The following AGMO variants were observed in gnomAD, a reference collection of about 807,000 sequenced individuals.
AGMO encodes alkylglycerol monooxygenase.
A neutral mutation model predicts 60.2 loss-of-function variants in AGMO; 75 were observed. The ratio of observed to expected loss-of-function variants is 1.25; its 90% CI spans 1.03 to 1.51. The LOEUF (loss-of-function observed/expected upper bound fraction) is 1.51, where lower values mean the gene tolerates loss of function less well. AGMO is among the 40% of genes most tolerant of loss of function. The pLI is 0.00. For synonymous variants in AGMO, 261 were observed against 177.1 expected (o/e 1.47, Z -3.76); for missense variants, 763 against 525.5 (o/e 1.45, Z -4.42).
At chr7:15,256,398 G>A (rs555412265) in intron 12 of AGMO, among the ~76,000 whole-genome samples, 35 of 151,808 alleles carry the variant, frequency 2.3e-4, no homozygotes, top group Admixed American at 1.7e-3. Flanking sequence ...GCTGGAGTAC[G>A]GTGGCGCAAT....
chr7:15,307,715 T>C (rs1157195995), intron 12 of AGMO, among the ~76,000 whole-genome samples: 2 of 152,100 alleles, frequency 1.3e-5, no homozygotes, highest in African/African-American at 4.8e-5. Context: ...GTTACAGATT[T>C]GCAACTGAGA....
At chr7:15,249,677 T>C (rs950087259) in intron 12 of AGMO, among the ~76,000 whole-genome samples, 1 of 152,058 alleles carries the variant, frequency 6.6e-6, no homozygotes, top group Non-Finnish European at 1.5e-5. Context: ...GAAACAGAGT[T>C]ACAAGGATGT....
intron 12 of AGMO, among the ~76,000 whole-genome samples, chr7:15,217,826 A>C (rs1157615962): frequency 6.6e-6 from 1 of 152,034 alleles, no homozygotes; most frequent in East Asian, 1.9e-4. Context: ...CTAAAGACCA[A>C]ATACTGGTAT....
chr7:15,550,613 C>A (rs1366736534), intron 2 of AGMO, among the ~76,000 whole-genome samples: 1 of 151,376 alleles, frequency 6.6e-6, no homozygotes, highest in Non-Finnish European at 1.5e-5. Context: ...CAAGACTAAA[C>A]CAGGAAGAAG....
rs2128496284 is a variant in AGMO, at chr7:15,424,896, G to T, written c.513+6109C>A. On this transcript the variant is annotated intron_variant, in intron 4 of 12. Transcript: ENST00000342526. ...TTGTTAGTTTCTTGTATCTTTATTT[G>T]TTCACATTTGTCTTTATATAAGTCC... Among the ~76,000 whole-genome samples, 4 of 152,182 alleles carry T rather than the reference G, an allele frequency of 2.6e-5. 1 individual carries two copies. In the South Asian group the frequency reaches 8.3e-4, roughly 32 times the overall value.
At chr7:15,342,626 G>C (rs1274412061) in intron 12 of AGMO, among the ~76,000 whole-genome samples, 1 of 151,716 alleles carries the variant, frequency 6.6e-6, no homozygotes, top group African/African-American at 2.4e-5. Context: ...TTGACTAACA[G>C]ATTTCGGCTT....
At position 15,529,646 on chromosome 7, in the gene AGMO, A is replaced by ATTAATT. The variant is rs1212938560; in HGVS notation, c.409+15125_409+15126insAATTAA. On this transcript the variant is annotated intron_variant, in intron 3 of 12. Coordinates refer to ENST00000342526, the MANE Select transcript of AGMO (RefSeq NM_001004320.2). ...ATATATATATAGAATATATATATATACTATATATTCTATATATATTCTATA... is the reference window on the plus strand; with the variant it reads ...ATATATATATAGAATATATATATATATTAATTCTATATATTCTATATATATTCTATA... Among the ~76,000 whole-genome samples, 30 of 9,476 alleles carry ATTAATT rather than the reference A, an allele frequency of 3.2e-3. 11 individuals carry two copies. The East Asian group carries it at 0.57, about 179-fold the overall frequency. The allele number at this position is 9,476 out of a possible 152,430, so 6.2% of individuals were successfully genotyped here.
intron 3 of AGMO, among the ~76,000 whole-genome samples, chr7:15,450,929 T>C (rs4566939): frequency 0.36 from 55,077 of 151,940 alleles, 11,336 homozygotes; most frequent in Non-Finnish European, 0.48. Flanking sequence ...AAAATGAAAT[T>C]AGAACTAAAG....
At chr7:15,362,581 A>T (rs1275916290) in intron 12 of AGMO, among the ~76,000 whole-genome samples, 2 of 152,170 alleles carry the variant, frequency 1.3e-5, no homozygotes, top group East Asian at 3.9e-4. Flanking sequence ...TTTTAACGAA[A>T]AATTCCAGTG....
chr7:15,131,865 A>G, the AGMO span, among the ~76,000 whole-genome samples: 1 of 151,922 alleles, frequency 6.6e-6, no homozygotes, highest in Non-Finnish European at 1.5e-5. Context: ...TGCCATGAGA[A>G]CAACTGCAAT....
chr7:15,370,358 G>A (rs1051740764), intron 10 of AGMO, among the ~76,000 whole-genome samples: 3 of 152,186 alleles, frequency 2.0e-5, no homozygotes, highest in Non-Finnish European at 4.4e-5. Context: ...ATGCTGCGAT[G>A]AACATGAGTG....
intron 3 of AGMO, among the ~76,000 whole-genome samples, chr7:15,501,139 T>A (rs1783375367): frequency 6.6e-6 from 1 of 152,004 alleles, no homozygotes; most frequent in African/African-American, 2.4e-5. Flanking sequence ...CATGTGGTGA[T>A]GAGAAGAATG....
chr7:15,488,916 CTGTG>C lies in AGMO; in HGVS notation c.409+55852_409+55855del, dbSNP rs34792607. The stretch of plus-strand genomic sequence containing the variant: ...GAAGAAGATGACAATATTTGATAAA[CTGTG>C]TGTTGAGATGGTTTACTAAAGGTTG... On this transcript the variant is annotated intron_variant, in intron 3 of 12. Transcript: ENST00000342526. Among the ~76,000 whole-genome samples the C allele has an allele frequency of 2.0e-5, 3 of 151,798 alleles. No individual in the cohort carries two copies. The South Asian group carries it at 6.3e-4, about 32-fold the overall frequency.
At chr7:15,415,007 T>A (rs1250238659) in intron 5 of AGMO, among the ~76,000 whole-genome samples, 1 of 152,142 alleles carries the variant, frequency 6.6e-6, no homozygotes, top group South Asian at 2.1e-4. Flanking sequence ...CACAGAATAA[T>A]GGTAAAAGTT....
At chr7:15,388,580 T>C (rs1376231175) in intron 8 of AGMO, among the ~76,000 whole-genome samples, 1 of 152,198 alleles carries the variant, frequency 6.6e-6, no homozygotes. Flanking sequence ...AAATAAAATA[T>C]TGTTTTTCAC....
intron 12 of AGMO, among the ~76,000 whole-genome samples, chr7:15,322,859 C>T (rs952480865): frequency 7.0e-6 from 1 of 143,562 alleles, no homozygotes; most frequent in Admixed American, 7.2e-5. Context: ...AAATGTGACA[C>T]ATAACACAAA....
chr7:15,439,087 A>C (rs1012998890), intron 3 of AGMO, among the ~76,000 whole-genome samples: 1 of 152,182 alleles, frequency 6.6e-6, no homozygotes, highest in Admixed American at 6.5e-5. Context: ...TTACTGCTTC[A>C]AAGGGATATC....
At chr7:15,387,668 C>T in intron 8 of AGMO, 128 bp from the exon 9 acceptor site, 1 of 771,150 alleles carries the variant, frequency 1.3e-6, no homozygotes, top group Non-Finnish European at 2.0e-6. Context: ...CTGATTAGAG[C>T]AACAGAAATG....
At chr7:15,278,161 C>A (rs117089105) in intron 12 of AGMO, among the ~76,000 whole-genome samples, 131 of 152,266 alleles carry the variant, frequency 8.6e-4, no homozygotes, top group Non-Finnish European at 1.6e-3. Flanking sequence ...AGGGCAGAAT[C>A]TCTTCACTCA....
Sources: allele counts gnomAD v4.1 joint callset (sites outside exome capture counted in the v4.1 genomes callset), GRCh38; gene constraint gnomAD v4.1.1; transcripts MANE v1.5; gene names NCBI Gene and HGNC (gene_info 2026-07-23, HGNC 2026-07-21).